TGS1: variants seen among roughly 807,000 people sequenced by gnomAD.
TGS1 encodes trimethylguanosine synthase 1.
Under a neutral mutation model 92.2 loss-of-function variants are expected in TGS1, and 69 were observed. The observed-to-expected ratio is 0.75, with a 90% CI of 0.62 to 0.91. The LOEUF is 0.91. Among genes scored for constraint, TGS1 ranks in the 40% least tolerant of loss-of-function variants. The probability of loss-of-function intolerance (pLI) is 0.00; values close to 1 mark genes in which losing one functional copy is unlikely to be tolerated. For missense variants in TGS1, 1,062 were observed against 1,001.2 expected (o/e 1.06, Z -0.82); for synonymous variants, 345 against 338.1 (o/e 1.02, Z -0.22).
chr8:55,791,192 G>T (rs1811877488), intron 5 of TGS1, among the ~76,000 whole-genome samples: 1 of 152,186 alleles, frequency 6.6e-6, no homozygotes. Context: ...TGCAATTTCT[G>T]TTTACCACTG....
intron 10 of TGS1, among the ~76,000 whole-genome samples, 186 bp downstream of exon 10, chr8:55,805,222 C>T (rs1044513304): frequency 2.0e-5 from 3 of 152,008 alleles, no homozygotes; most frequent in African/African-American, 7.3e-5. Context: ...TAAATGCTTC[C>T]TACAGTTGAC....
At chr8:55,803,268 G>A (rs1812272418) in intron 9 of TGS1, among the ~76,000 whole-genome samples, 1 of 152,144 alleles carries the variant, frequency 6.6e-6, no homozygotes, top group African/African-American at 2.4e-5. Flanking sequence ...TAGTGCAGAA[G>A]GATACAATTT....
chr8:55,818,762 G>A (rs550164157), intron 12 of TGS1, among the ~76,000 whole-genome samples: 2 of 152,324 alleles, frequency 1.3e-5, no homozygotes, highest in South Asian at 4.1e-4. Flanking sequence ...AAATGATGGA[G>A]ATAGAAATTA....
intron 10 of TGS1, among the ~76,000 whole-genome samples, chr8:55,806,283 G>A (rs895478207): frequency 6.8e-6 from 1 of 148,078 alleles, no homozygotes; most frequent in African/African-American, 2.5e-5. Flanking sequence ...ATGAACCCGG[G>A]AGGTGGAGGT....
At position 55,786,710 on chromosome 8, in the gene TGS1, A is replaced by T. The variant is rs755191342; in HGVS notation, c.812A>T (p.Asp271Val). The T allele has an allele frequency of 6.2e-7, 1 of 1,614,198 alleles. No homozygotes were observed. The highest frequency in any genetic ancestry group is 8.5e-7 in the Non-Finnish European group (1 of 1,180,034). The stretch of plus-strand genomic sequence containing the variant: ...GATGCCTCGCAAAGCTGTGATACAG[A>T]TACTTACACATCTAAAACAGAAGCT... ...TFDASQSCDT[D>V]TYTSKTEADD... Residue 271 changes from aspartate (D) to valine (V), a missense_variant, in exon 4 of 13, where the codon GAT becomes GTT. Asp to Val is a radical substitution (Grantham distance 152). Coordinates refer to ENST00000260129, the MANE Select transcript of TGS1 (RefSeq NM_024831.8).
intron 12 of TGS1, among the ~76,000 whole-genome samples, chr8:55,814,463 C>T (rs1169512447): frequency 1.3e-5 from 2 of 151,746 alleles, no homozygotes; most frequent in East Asian, 1.9e-4. Flanking sequence ...GCCTTTCATC[C>T]GTTTATGATC....
At chr8:55,815,963 A>C (rs2130245029) in intron 12 of TGS1, among the ~76,000 whole-genome samples, 1 of 151,312 alleles carries the variant, frequency 6.6e-6, no homozygotes, top group South Asian at 2.1e-4. Context: ...TTATTTATTT[A>C]TGGAGATAGG....
chr8:55,823,209 A>T (rs1238739588), intron 12 of TGS1, among the ~76,000 whole-genome samples: 1 of 152,226 alleles, frequency 6.6e-6, no homozygotes, highest in African/African-American at 2.4e-5. Flanking sequence ...TTGGGTGAAG[A>T]AAGTACTGAA....
In TGS1 at chr8:55,802,494, A is replaced by G. The variant is rs763934564; in HGVS notation, c.1887A>G (p.Lys629=). 16 of 1,613,988 alleles carry G rather than the reference A, an allele frequency of 9.9e-6. No homozygotes were observed. The South Asian group carries it at 1.8e-4, about 18-fold the overall frequency. Residue 629 remains lysine, a synonymous_variant, in exon 9 of 13, where the codon AAA becomes AAG. Coordinates refer to ENST00000260129, the MANE Select transcript of TGS1 (RefSeq NM_024831.8). ...AGAAGAAGAACAAGAAGAAGAACAAAAAGGTGAATGGTCTGCCTCCTGAAA... is the reference window on the plus strand; with the variant it reads ...AGAAGAAGAACAAGAAGAAGAACAAGAAGGTGAATGGTCTGCCTCCTGAAA... ...VKKKKNKKKN[K]KVNGLPPEIA... is the part of the protein sequence containing the mutation.
chr8:55,782,875 T>C (rs1265970208), intron 2 of TGS1, 63 bp downstream of exon 2: 3 of 1,065,378 alleles, frequency 2.8e-6, no homozygotes, highest in Non-Finnish European at 4.2e-6. Flanking sequence ...TGTTAATTTA[T>C]GTATAATTTG....
rs147749630 is a variant in TGS1 at position 55,792,761 on chromosome 8, A to C, written c.1344A>C (p.Gly448=). The C allele has an allele frequency of 1.4e-5, 23 of 1,613,592 alleles. No homozygotes were observed. In the African/African-American group the frequency reaches 2.8e-4, roughly 20 times the overall value. The change falls in exon 6 of 13, where the codon GGA becomes GGC. Residue 448 remains glycine, a synonymous_variant. Transcript: ENST00000260129. ...SDFDDSGSLL[G]FKYGSGQKYG... ...TTGATGACAGTGGTTCCCTTCTAGG[A>C]TTCAAGTATGGCTCAGGACAAAAGT...
chr8:55,786,975 T>G lies in TGS1; in HGVS notation c.1077T>G (p.Ala359=). The G allele has an allele frequency of 6.2e-7, 1 of 1,614,172 alleles. No homozygotes were observed. The highest frequency in any genetic ancestry group is 2.2e-5 in the East Asian group (1 of 44,878). ...SEVSSKRECP[A]SGQSEPRNGG... is the part of the protein sequence containing the mutation. ...TTAGTAGCAAAAGAGAGTGCCCTGCTTCCGGCCAAAGTGAACCACGTAATG... is the reference window on the plus strand; with the variant it reads ...TTAGTAGCAAAAGAGAGTGCCCTGCGTCCGGCCAAAGTGAACCACGTAATG... Residue 359 remains alanine (A), a synonymous_variant, in exon 4 of 13, where the codon GCT becomes GCG. Transcript: ENST00000260129.
At chr8:55,781,028 T>G (rs1328441253) in intron 1 of TGS1, among the ~76,000 whole-genome samples, 1 of 152,194 alleles carries the variant, frequency 6.6e-6, no homozygotes. Context: ...CCGGGCAACT[T>G]GGTTCCTTTC....
chr8:55,790,153 A>G, intron 4 of TGS1, 29 bp from the exon 5 acceptor site: 1 of 1,549,626 alleles, frequency 6.5e-7, no homozygotes, highest in East Asian at 2.2e-5. Flanking sequence ...CAAGGGGGAA[A>G]AGCTACTGCA....
At chr8:55,811,226 G>T (rs1207316256) in intron 11 of TGS1, 129 bp downstream of exon 11, 1 of 759,626 alleles carries the variant, frequency 1.3e-6, no homozygotes, top group Non-Finnish European at 2.1e-6. Context: ...ACATTGGGAG[G>T]CTGAGGCAGG....
At chr8:55,784,452 AACTACAGGC>A (rs1372714977) in intron 2 of TGS1, among the ~76,000 whole-genome samples, 2 of 152,114 alleles carry the variant, frequency 1.3e-5, no homozygotes, top group African/African-American at 4.8e-5. Flanking sequence ...AAGTAGCAGG[AACTACAGGC>A]ACCACCACAC....
chr8:55,792,989 G>A (rs934506729), intron 6 of TGS1, among the ~76,000 whole-genome samples: 3 of 152,186 alleles, frequency 2.0e-5, no homozygotes, highest in East Asian at 1.9e-4. Context: ...TAGCAATCCA[G>A]TGTTGTTATT....
chr8:55,816,967 C>T (rs1803499465), intron 12 of TGS1, among the ~76,000 whole-genome samples: 2 of 151,816 alleles, frequency 1.3e-5, no homozygotes, highest in African/African-American at 4.8e-5. Context: ...CGGGTTCAAG[C>T]GATTCTCCTG....
intron 2 of TGS1, among the ~76,000 whole-genome samples, chr8:55,785,383 G>GTTTA (rs1811679777): frequency 6.6e-6 from 1 of 151,694 alleles, no homozygotes; most frequent in Admixed American, 6.6e-5. Flanking sequence ...TTGTTTGTTT[G>GTTTA]TTTTCTTTTT....
Sources: gnomAD v4.1 joint callset for allele counts (sites outside exome capture counted in the v4.1 genomes callset) on GRCh38, gnomAD v4.1.1 for gene constraint, MANE v1.5 for transcripts, NCBI Gene and HGNC (gene_info 2026-07-23, HGNC 2026-07-21) for gene names.